INPP5A: variants seen among roughly 807,000 people sequenced by gnomAD.
INPP5A encodes 43 kDa inositol polyphosphate 5-phophatase.
A neutral mutation model predicts 65.2 loss-of-function variants in INPP5A; 14 were observed. The observed-to-expected ratio is 0.21, with a 90% confidence interval of 0.14 to 0.34. INPP5A has a LOEUF of 0.34. Ranked by LOEUF, INPP5A falls within the 10% of genes least tolerant of loss-of-function variation. The pLI is 1.00. For missense variants in INPP5A, 431 were observed against 545.6 expected (o/e 0.79, Z 2.09); for synonymous variants, 207 against 208.3 (o/e 0.99, Z 0.05).
Position 132,555,108 on chromosome 10 carries a change from C to T in INPP5A, c.75+16937C>T, listed in dbSNP as rs1054829212. On this transcript the variant is annotated intron_variant, in intron 1 of 15. Coordinates refer to ENST00000368594, the MANE Select transcript of INPP5A (RefSeq NM_005539.5). The surrounding 1 kb of genome is among the most constrained non-coding windows in gnomAD (Gnocchi z 4.4). The stretch of plus-strand genomic sequence containing the variant: ...ATGGGCAGTGTGGGTGGCATGGCTG[C>T]TGTGGGTGACATAGGTGGTGTGGCT... Among the ~76,000 whole-genome samples the T allele has an allele frequency of 6.7e-6, 1 of 149,062 alleles. No individual in the cohort carries two copies. The highest frequency in any genetic ancestry group is 1.5e-5 in the Non-Finnish European group (1 of 67,298).
intron 14 of INPP5A, 21 bp from the exon 15 acceptor site, chr10:132,781,840 C>T (rs1326600306): frequency 7.5e-6 from 12 of 1,607,698 alleles, no homozygotes; most frequent in East Asian, 6.7e-5. Context: ...GTGCTGACAC[C>T]GTCCTCTCTT....
chr10:132,681,730 C>T (rs1278752146), intron 4 of INPP5A, among the ~76,000 whole-genome samples: 1 of 152,238 alleles, frequency 6.6e-6, no homozygotes, highest in Non-Finnish European at 1.5e-5. Flanking sequence ...TCAGCAGTCC[C>T]ACTTCTGGGT....
chr10:132,678,367 T>G lies in INPP5A; in HGVS notation c.307-12025T>G, dbSNP rs373323637. Among the ~76,000 whole-genome samples the G allele has an allele frequency of 7.2e-4, 110 of 152,360 alleles. No homozygotes were observed. The highest frequency in any genetic ancestry group is 2.6e-3 in the African/African-American group (107 of 41,588). On this transcript the variant is annotated intron_variant, in intron 4 of 15. Transcript: ENST00000368594. The surrounding 1 kb of genome is among the most constrained non-coding windows in gnomAD (Gnocchi z 4.1). ...TTATTATTGTTTATAATCTAATGAC[T>G]GTTATTATAACTTTGCTTTGATTTA...
In INPP5A at chr10:132,698,048, C is replaced by T. The variant is rs2134500704; in HGVS notation, c.474+129C>T. Reference sequence around the variant, plus strand: ...GCTGCCTGTTGTTACCTCCGATAATCTGTCTTCCTGGGAGTCCAGGCTTCT... The same window carrying T: ...GCTGCCTGTTGTTACCTCCGATAATTTGTCTTCCTGGGAGTCCAGGCTTCT... On this transcript the variant is annotated intron_variant, in intron 6 of 15. Transcript: ENST00000368594. The surrounding 1 kb of genome is among the most constrained non-coding windows in gnomAD (Gnocchi z 5.5). 1 of 674,790 alleles carries T rather than the reference C, an allele frequency of 1.5e-6. No homozygotes were observed. Among genetic ancestry groups the T allele is most frequent in the East Asian group, 2.7e-5 (1 of 36,448 alleles). The allele number at this position is 674,790 out of a possible 1,614,324, so 41.8% of individuals were successfully genotyped here.
intron 8 of INPP5A, among the ~76,000 whole-genome samples, chr10:132,713,650 C>T (rs112431738): frequency 0.034 from 5,117 of 152,244 alleles, 280 homozygotes; most frequent in African/African-American, 0.11. Context: ...AGCCTGGTCC[C>T]GGGGAGGGTG....
intron 2 of INPP5A, among the ~76,000 whole-genome samples, chr10:132,635,028 G>A (rs1590883762): frequency 6.6e-6 from 1 of 152,272 alleles, no homozygotes; most frequent in Admixed American, 6.5e-5. Flanking sequence ...GGAACTTCCT[G>A]ATGAGAGTTC....
chr10:132,591,932 AG>A (rs2071625112), intron 1 of INPP5A, among the ~76,000 whole-genome samples: 1 of 152,178 alleles, frequency 6.6e-6, no homozygotes, highest in South Asian at 2.1e-4. Flanking sequence ...AGGAGGAAAG[AG>A]CCGGCTCTGG....
At chr10:132,660,917 C>T (rs571621412) in intron 4 of INPP5A, among the ~76,000 whole-genome samples, 39 of 152,254 alleles carry the variant, frequency 2.6e-4, no homozygotes, top group African/African-American at 8.7e-4. Context: ...ATTTTTTTGA[C>T]TCTGATTCCT....
At chr10:132,639,271 G>T (rs1183956129) in intron 2 of INPP5A, among the ~76,000 whole-genome samples, 1 of 150,568 alleles carries the variant, frequency 6.6e-6, no homozygotes, top group Admixed American at 6.6e-5. Context: ...CTTCATTCCT[G>T]AGGGATATTT....
chr10:132,583,004 C>T (rs2071504407), intron 1 of INPP5A, among the ~76,000 whole-genome samples: 1 of 152,192 alleles, frequency 6.6e-6, no homozygotes, highest in Non-Finnish European at 1.5e-5. Context: ...TGCTTGGAAT[C>T]GTAGATCAGT....
intron 4 of INPP5A, among the ~76,000 whole-genome samples, chr10:132,667,813 T>C (rs2072827620): frequency 6.6e-6 from 1 of 152,122 alleles, no homozygotes; most frequent in Non-Finnish European, 1.5e-5. Flanking sequence ...AGGGATGATA[T>C]TTCTCGGTAA....
chr10:132,556,776 A>ATT (rs34397373), intron 1 of INPP5A, among the ~76,000 whole-genome samples: 1 of 147,544 alleles, frequency 6.8e-6, no homozygotes, highest in Non-Finnish European at 1.5e-5. Context: ...CATTTTGGGG[A>ATT]TTTTTTTTTT....
rs576769050 is a variant in INPP5A, at chr10:132,538,492, T to C, written c.75+321T>C. On this transcript the variant is annotated intron_variant, in intron 1 of 15. Transcript: ENST00000368594. This position sits in a 1 kb window ranked among gnomAD's most constrained non-coding sequence, Gnocchi z 4.1. ...TGTCTGCAAATCCTGACCTCGAAAC[T>C]CCAATATTAAAACCCTGTCAGAACC... Among the ~76,000 whole-genome samples, 29 of 151,832 alleles carry C rather than the reference T, an allele frequency of 1.9e-4. No homozygotes were observed. Among genetic ancestry groups the C allele is most frequent in the African/African-American group, 7.0e-4 (29 of 41,400 alleles).
At chr10:132,655,421 C>A (rs2133406907) in intron 4 of INPP5A, among the ~76,000 whole-genome samples, 1 of 152,354 alleles carries the variant, frequency 6.6e-6, no homozygotes, top group South Asian at 2.1e-4. Flanking sequence ...GCGAGGCTTT[C>A]CCGGGCTGCC....
At chr10:132,567,732 G>A (rs979376808) in intron 1 of INPP5A, among the ~76,000 whole-genome samples, 1 of 152,110 alleles carries the variant, frequency 6.6e-6, no homozygotes, top group African/African-American at 2.4e-5. Flanking sequence ...AACGATTCCA[G>A]CTTTTTATTC....
In INPP5A at chr10:132,637,107, G is replaced by A. The variant is rs1355334781; in HGVS notation, c.118-8761G>A. ...TAATTTTTGCATTTTTAGTAGAGAC[G>A]GGGTTTGACCATGTTGGCCAGGATG... On this transcript the variant is annotated intron_variant, in intron 2 of 15. Transcript: ENST00000368594. This position sits in a 1 kb window ranked among gnomAD's most constrained non-coding sequence, Gnocchi z 4.1. Among the ~76,000 whole-genome samples, 6 of 152,104 alleles carry A rather than the reference G, an allele frequency of 3.9e-5. No individual in the cohort carries two copies. Among genetic ancestry groups the A allele is most frequent in the African/African-American group, 7.2e-5 (3 of 41,406 alleles).
chr10:132,624,659 A>C (rs968739152), intron 2 of INPP5A, among the ~76,000 whole-genome samples: 1 of 152,134 alleles, frequency 6.6e-6, no homozygotes, highest in African/African-American at 2.4e-5. Flanking sequence ...CTGCCCGTTC[A>C]GCACCTCCAT....
At chr10:132,589,241 C>T (rs2071587227) in intron 1 of INPP5A, among the ~76,000 whole-genome samples, 1 of 152,230 alleles carries the variant, frequency 6.6e-6, no homozygotes. Context: ...TGAGGGAGCG[C>T]TGGGGTCGTT....
chr10:132,670,681 G>A (rs981854514), intron 4 of INPP5A, among the ~76,000 whole-genome samples: 11 of 151,664 alleles, frequency 7.3e-5, no homozygotes, highest in Admixed American at 4.6e-4. Flanking sequence ...TCCCAGTGGG[G>A]AGCCTGTCTT....
Sources: gnomAD v4.1 joint callset for allele counts (sites outside exome capture counted in the v4.1 genomes callset) on GRCh38, gnomAD v4.1.1 for gene constraint, Gnocchi (gnomAD v3.1) non-coding constraint, MANE v1.5 for transcripts, NCBI Gene and HGNC (gene_info 2026-07-23, HGNC 2026-07-21) for gene names.